NME8: variants seen among roughly 807,000 people sequenced by gnomAD.
The protein encoded by NME8 is NME/NM23 family member 8, also known as protein NME8.
A neutral mutation model predicts 82.3 loss-of-function variants in NME8; 72 were observed. The observed-to-expected ratio is 0.87, with a 90% CI of 0.72 to 1.06. The LOEUF is 1.06. Ranked by LOEUF, NME8 falls within the 50% of genes least tolerant of loss-of-function variation. NME8 has a pLI of 0.00. For synonymous variants in NME8, 267 were observed against 228.5 expected, an observed-to-expected ratio of 1.17 and a Z score of -1.52; for missense variants, 712 against 685.4, an observed-to-expected ratio of 1.04 and a Z score of -0.43.
chr7:37,892,721 G>A (rs926852861), intron 15 of NME8, among the ~76,000 whole-genome samples: 10 of 151,598 alleles, frequency 6.6e-5, no homozygotes, highest in Non-Finnish European at 1.0e-4. Flanking sequence ...TTTGTCTTTC[G>A]TGAGTGCAGC....
chr7:37,881,520 T>C lies in NME8; in HGVS notation c.995-2783T>C, dbSNP rs189493688. Among the ~76,000 whole-genome samples, 13 of 152,328 alleles carry C rather than the reference T, an allele frequency of 8.5e-5. No individual in the cohort carries two copies. In the East Asian group the frequency reaches 2.5e-3, roughly 29 times the overall value. ...GAATAAATCCAGCTTGGTCATGGTT[T>C]GTAATTTTTTTATACATTGTTAAAT... On this transcript the variant is annotated intron_variant, in intron 12 of 17. Transcript: ENST00000199447.
At chr7:37,879,119 CT>C (rs1037415769) in intron 12 of NME8, among the ~76,000 whole-genome samples, 22 of 147,660 alleles carry the variant, frequency 1.5e-4, no homozygotes, top group African/African-American at 5.1e-4. Context: ...AGTATATAGC[CT>C]TTTCATTATA....
At chr7:37,857,792 CAA>C (rs1472524438) in intron 6 of NME8, among the ~76,000 whole-genome samples, 3 of 152,150 alleles carry the variant, frequency 2.0e-5, no homozygotes, top group Non-Finnish European at 4.4e-5. Context: ...GTGGATCCAC[CAA>C]AATGTTATAG....
At chr7:37,877,642 T>C (rs987409307) in intron 12 of NME8, among the ~76,000 whole-genome samples, 18 of 152,348 alleles carry the variant, frequency 1.2e-4, no homozygotes, top group African/African-American at 4.1e-4. Context: ...TTGGCATTTC[T>C]ATGTAGACCA....
chr7:37,858,992 C>T (rs1784557267), intron 6 of NME8, among the ~76,000 whole-genome samples: 1 of 152,116 alleles, frequency 6.6e-6, no homozygotes, highest in African/African-American at 2.4e-5. Context: ...CTCCACATGA[C>T]ATGCTGTCTC....
At chr7:37,898,755 T>G (rs1180055017) in intron 17 of NME8, among the ~76,000 whole-genome samples, 1 of 152,152 alleles carries the variant, frequency 6.6e-6, no homozygotes, top group Non-Finnish European at 1.5e-5. Flanking sequence ...GAGTTTTCCT[T>G]TAAGTTGACA....
intron 17 of NME8, among the ~76,000 whole-genome samples, chr7:37,897,380 ACC>A (rs1785245902): frequency 6.6e-6 from 1 of 152,124 alleles, no homozygotes; most frequent in Non-Finnish European, 1.5e-5. Context: ...CAAGCAACGC[ACC>A]CATTGGTTCA....
In NME8 at chr7:37,884,431, A is replaced by C; in HGVS notation, c.1123A>C (p.Ile375Leu). ...YENEDYFNKLIENMTSGPSLA... is the reference protein window; with the variant it reads ...YENEDYFNKLLENMTSGPSLA... ...AAATGAAGACTATTTTAATAAACTT[A>C]TAGAAAACATGACCAGGTAGAATCC... Residue 375 changes from isoleucine (I) to leucine (L), a missense_variant, in exon 13 of 18, where the codon ATA (isoleucine) becomes CTA (leucine). Coordinates refer to ENST00000199447, the MANE Select transcript of NME8 (RefSeq NM_016616.5). 6.2e-7 allele frequency: 1 copy of C among 1,611,604 alleles called. No homozygotes were observed. Among genetic ancestry groups the C allele is most frequent in the Non-Finnish European group, 8.5e-7 (1 of 1,177,882 alleles).
At chr7:37,849,871 A>G (rs956362245) in intron 2 of NME8, among the ~76,000 whole-genome samples, 1 of 5,184 alleles carries the variant, frequency 1.9e-4, no homozygotes, top group African/African-American at 3.6e-4. Context: ...CTATGTCTCA[A>G]AAAAAAAAAA....
chr7:37,884,406 A>T lies in NME8; in HGVS notation c.1098A>T (p.Glu366Asp), dbSNP rs1785009932. Reference protein sequence around the residue: ...KEAQALCKEYENEDYFNKLIE... With the variant: ...KEAQALCKEYDNEDYFNKLIE... The stretch of plus-strand genomic sequence containing the variant: ...CACAAGCACTGTGCAAGGAATATGA[A>T]AATGAAGACTATTTTAATAAACTTA... Residue 366 changes from glutamate to aspartate, a missense_variant, in exon 13 of 18, where the codon GAA becomes GAT. Physicochemically the swap from Glu to Asp is conservative, Grantham distance 45. Transcript: ENST00000199447. 2 of 1,611,418 alleles carry T rather than the reference A, an allele frequency of 1.2e-6. No homozygotes were observed. The highest frequency in any genetic ancestry group is 1.7e-6 in the Non-Finnish European group (2 of 1,177,628).
chr7:37,893,821 C>A (rs902702028), intron 15 of NME8, among the ~76,000 whole-genome samples: 2 of 152,154 alleles, frequency 1.3e-5, no homozygotes, highest in Admixed American at 6.6e-5. Context: ...TGTCTTAGGG[C>A]AGATCCTGGC....
intron 5 of NME8, among the ~76,000 whole-genome samples, chr7:37,853,237 G>A (rs962022706): frequency 3.9e-5 from 6 of 151,936 alleles, no homozygotes; most frequent in Non-Finnish European, 5.9e-5. Flanking sequence ...CTTTTATCAG[G>A]TATTACTTTT....
At chr7:37,889,756 A>AT (rs1262243261) in intron 15 of NME8, among the ~76,000 whole-genome samples, 2 of 152,040 alleles carry the variant, frequency 1.3e-5, no homozygotes, top group Non-Finnish European at 1.5e-5. Flanking sequence ...AAGATTCTAC[A>AT]TGTATGAGGA....
chr7:37,894,374 A>C (rs898789167), intron 15 of NME8, 92 bp from the exon 16 acceptor site: 31 of 1,343,900 alleles, frequency 2.3e-5, no homozygotes, highest in Middle Eastern at 1.9e-4. Context: ...TATGCAAATT[A>C]AACTATCATT....
Position 37,897,054 on chromosome 7 carries a change from G to T in NME8, c.1729G>T (p.Val577Phe). The T allele has an allele frequency of 6.2e-7, 1 of 1,613,628 alleles. No individual in the cohort carries two copies. The highest frequency in any genetic ancestry group is 1.3e-5 in the African/African-American group (1 of 75,012). Residue 577 changes from valine (V) to phenylalanine (F), a missense_variant, in exon 17 of 18, where the codon GTT (valine) becomes TTT (phenylalanine). Physicochemically the swap from Val to Phe is conservative, Grantham distance 50. Coordinates refer to ENST00000199447, the MANE Select transcript of NME8 (RefSeq NM_016616.5). ...GASNAYEAKE[V>F]VNRLFEDPEE... ...ATCTAACGCCTATGAAGCAAAAGAG[G>T]TTGTTAATAGACTCTTTGAGGATCC...
rs1784664563 is a variant in NME8, at chr7:37,865,569, G to A, written c.573G>A (p.Val191=). The A allele has an allele frequency of 3.1e-6, 5 of 1,613,520 alleles. No individual in the cohort carries two copies. The East Asian group carries it at 1.1e-4, about 36-fold the overall frequency. The change falls in exon 10 of 18, where the codon GTG becomes GTA. Residue 191 remains valine, a synonymous_variant. Transcript: ENST00000199447. ...TTATAGAAGCAGAGCATAAGACAGTGCTCACTGAAGAACAAGTTGTCAACT... is the reference window on the plus strand; with the variant it reads ...TTATAGAAGCAGAGCATAAGACAGTACTCACTGAAGAACAAGTTGTCAACT... The part of the protein sequence containing the change: ...GFIIEAEHKT[V]LTEEQVVNFY...
chr7:37,888,309 C>T lies in NME8; in HGVS notation c.1280C>T (p.Pro427Leu), dbSNP rs1480963535. The T allele has an allele frequency of 6.8e-6, 11 of 1,613,378 alleles. No homozygotes were observed. The highest frequency in any genetic ancestry group is 1.6e-4 in the Middle Eastern group (1 of 6,080). ...LCAQFAMDSL[P>L]VNQLYGSDSL... ...GCACAGTTTGCGATGGACAGTTTGC[C>T]GGTCAACCAGTTGTATGGCAGCGAT... Residue 427 changes from proline to leucine, a missense_variant, in exon 15 of 18, where the codon CCG becomes CTG. Coordinates refer to ENST00000199447, the MANE Select transcript of NME8 (RefSeq NM_016616.5).
At chr7:37,856,240 A>G (rs899781714) in intron 5 of NME8, among the ~76,000 whole-genome samples, 3 of 152,234 alleles carry the variant, frequency 2.0e-5, no homozygotes, top group Non-Finnish European at 4.4e-5. Context: ...ATCAAATTTC[A>G]TACGTTAAAA....
chr7:37,887,657 G>A (rs530991306), intron 14 of NME8, among the ~76,000 whole-genome samples: 1 of 152,146 alleles, frequency 6.6e-6, no homozygotes, highest in Non-Finnish European at 1.5e-5. Flanking sequence ...ATCTATATCA[G>A]TCTGTTCTCA....
Sources: allele counts gnomAD v4.1 joint callset (sites outside exome capture counted in the v4.1 genomes callset), GRCh38; gene constraint gnomAD v4.1.1; transcripts MANE v1.5; gene names NCBI Gene and HGNC (gene_info 2026-07-23, HGNC 2026-07-21).